Variants in ACIN1 observed in about 807,000 individuals in gnomAD.
ACIN1 encodes apoptotic chromatin condensation inducer 1, also known as apoptotic chromatin condensation inducer in the nucleus.
Under a neutral mutation model 146.6 loss-of-function variants are expected in ACIN1, and 16 were observed. The observed-to-expected ratio is 0.11, with a 90% CI of 0.07 to 0.17. The LOEUF (loss-of-function observed/expected upper bound fraction) is 0.17. Ranked by LOEUF, ACIN1 falls within the 10% of genes least tolerant of loss-of-function variation. The pLI, the probability that ACIN1 is intolerant of heterozygous loss-of-function variation, is 1.00. For synonymous variants in ACIN1, 569 were observed against 582.7 expected, an observed-to-expected ratio of 0.98 and a Z score of 0.34; for missense variants, 1,357 against 1,609.3, an observed-to-expected ratio of 0.84 and a Z score of 2.68.
chr14:23,071,335 A>T, intron 8 of ACIN1: 1 of 1,514,280 alleles, frequency 6.6e-7, no homozygotes, highest in Non-Finnish European at 8.8e-7. Flanking sequence ...GCAACCGGGG[A>T]TCCAAAAAAT....
rs769705099 is a variant in ACIN1, at chr14:23,059,321, G to A, written c.3679C>T (p.Arg1227Trp). 6.9e-6 allele frequency: 11 copies of A among 1,600,922 alleles called. No homozygotes were observed. The highest frequency in any genetic ancestry group is 1.3e-5 in the African/African-American group (1 of 74,492). ...LEREKRREHS[R>W]ERDRERERER... ...CTCTCTCTCTCCCTGTCCCTCTCCC[G>A]ACTGTGCTCCCGACGTTTCTCTCGC... The change falls in exon 19 of 19, where the codon CGG becomes TGG. Residue 1227 changes from arginine to tryptophan, a missense_variant. By Grantham distance (101) the Arg-to-Trp change is moderately radical. Around this residue, in one of 4 missense-constraint regions of ACIN1, gnomAD observed 509 missense variants for 719.6 expected, o/e 0.71. Transcript: ENST00000605057.
In ACIN1 at chr14:23,068,788, A is replaced by G. The variant is rs2047535581; in HGVS notation, c.2265+688T>C. On this transcript the variant is annotated intron_variant, in intron 9 of 18. Transcript: ENST00000605057. The surrounding 1 kb of genome is among the most constrained non-coding windows in gnomAD (Gnocchi z 4.3). ...ACACCAGAAAAAGGCTACACACACAACAGTCCCTCCCACCTTGTTACCCCT... is the reference window on the plus strand; with the variant it reads ...ACACCAGAAAAAGGCTACACACACAGCAGTCCCTCCCACCTTGTTACCCCT... 1 of 985,390 alleles carries G rather than the reference A, an allele frequency of 1.0e-6. No individual in the cohort carries two copies. Among genetic ancestry groups the G allele is most frequent in the Non-Finnish European group, 1.2e-6 (1 of 829,940 alleles). The allele number at this position is 985,390 out of a possible 1,614,324, so 61.0% of individuals were successfully genotyped here. A position where few individuals can be genotyped will look rare whatever the true frequency, so the allele number is the denominator to read the frequency against.
Position 23,078,921 on chromosome 14 carries a change from T to G in ACIN1, c.1906A>C (p.Lys636Gln). 1 of 1,614,144 alleles carries G rather than the reference T, an allele frequency of 6.2e-7. No individual in the cohort carries two copies. Among genetic ancestry groups the G allele is most frequent in the Non-Finnish European group, 8.5e-7 (1 of 1,180,018 alleles). ...PVPQLQVCEPKERTSTSSSSV... is the reference protein window; with the variant it reads ...PVPQLQVCEPQERTSTSSSSV... ...GATGAGGAGGTGGAAGTCCTCTCCT[T>G]TGGCTCACAGACCTGCAGTTGTGGC... The change falls in exon 7 of 19, where the codon AAG becomes CAG. Residue 636 changes from lysine to glutamine, a missense_variant. Lys to Gln is a moderately conservative substitution (Grantham distance 53). Around this residue, in one of 4 missense-constraint regions of ACIN1, gnomAD observed 771 missense variants for 746.6 expected, o/e 1.03. Coordinates refer to ENST00000605057, the MANE Select transcript of ACIN1 (RefSeq NM_001386863.1).
intron 1 of ACIN1, 182 bp downstream of exon 1, chr14:23,094,793 A>G: frequency 1.1e-6 from 1 of 950,200 alleles, no homozygotes. Flanking sequence ...TTAAGGCGGG[A>G]ACCGGCGCGA....
At chr14:23,087,364 A>C (rs996441884) in intron 4 of ACIN1, among the ~76,000 whole-genome samples, 1 of 152,182 alleles carries the variant, frequency 6.6e-6, no homozygotes, top group African/African-American at 2.4e-5. Flanking sequence ...GGCATAAAGG[A>C]CACTGAAGAG....
chr14:23,089,983 G>A lies in ACIN1; in HGVS notation c.435C>T (p.Pro145=), dbSNP rs775279602. 6.2e-7 allele frequency: 1 copy of A among 1,610,968 alleles called. No homozygotes were observed. The highest frequency in any genetic ancestry group is 8.5e-7 in the Non-Finnish European group (1 of 1,178,684). Residue 145 remains proline (P), a splice_region_variant and synonymous_variant, in exon 4 of 19, where the codon CCC becomes CCT. Coordinates refer to ENST00000605057, the MANE Select transcript of ACIN1 (RefSeq NM_001386863.1). ...CGCAGTGGGGAGGGAGATACGTACT[G>A]GGCGAATGTCTGCTGAGCTCCAGCT... is the stretch of plus-strand genomic sequence containing the variant. ...RPELELSRHS[P]RKSSSISEEK...
intron 8 of ACIN1, 173 bp downstream of exon 8, chr14:23,077,978 T>G: frequency 1.8e-6 from 1 of 551,116 alleles, no homozygotes; most frequent in Non-Finnish European, 3.1e-6. Flanking sequence ...CAGGTTACCT[T>G]AAAGGTGGCA....
At chr14:23,075,673 A>G (rs774273267) in intron 8 of ACIN1, among the ~76,000 whole-genome samples, 4 of 151,688 alleles carry the variant, frequency 2.6e-5, no homozygotes, top group Non-Finnish European at 5.9e-5. Flanking sequence ...TGAGACAGAC[A>G]GAAAAACCAA....
rs2047917716 is a variant in ACIN1 at position 23,080,557 on chromosome 14, C to G, written c.778G>C (p.Glu260Gln). The change falls in exon 6 of 19, where the codon GAG becomes CAG. Residue 260 changes from glutamate (E) to glutamine (Q), a missense_variant. Physicochemically the swap from Glu to Gln is conservative, Grantham distance 29 (BLOSUM62 2). This residue lies in a region of ACIN1 where 771 missense variants were observed against 746.6 expected (regional missense o/e 1.03). Coordinates refer to ENST00000605057, the MANE Select transcript of ACIN1 (RefSeq NM_001386863.1). ...GTTTTGGGTCTCTCATCCATCATCT[C>G]CTCTGGTTTTACTCTAGGTATCTCT... is the stretch of plus-strand genomic sequence containing the variant. ...GEEIPRVKPE[E>Q]MMDERPKTRS... The G allele has an allele frequency of 1.2e-6, 2 of 1,613,948 alleles. No homozygotes were observed. Among genetic ancestry groups the G allele is most frequent in the South Asian group, 1.1e-5 (1 of 91,088 alleles).
At chr14:23,066,193 A>C in intron 9 of ACIN1, 185 bp from the exon 10 acceptor site, 1 of 550,640 alleles carries the variant, frequency 1.8e-6, no homozygotes, top group East Asian at 3.0e-5. Flanking sequence ...GGCAAAAACG[A>C]AGCAGAATCA....
intron 9 of ACIN1, chr14:23,066,629 G>A (rs138418560): frequency 1.3e-5 from 2 of 152,436 alleles, no homozygotes; most frequent in Middle Eastern, 3.4e-3. Context: ...CACTGGAGAT[G>A]AGGCTCTTGA....
intron 14 of ACIN1, 50 bp from the exon 15 acceptor site, chr14:23,062,573 C>A (rs531708778): frequency 5.9e-6 from 9 of 1,516,924 alleles, no homozygotes; most frequent in Middle Eastern, 1.7e-4. Context: ...AAGACCACCA[C>A]CCAATCTTTA....
chr14:23,076,637 A>T (rs1408407091), intron 8 of ACIN1: 1 of 152,198 alleles, frequency 6.6e-6, no homozygotes, highest in African/African-American at 2.4e-5. Context: ...TTTTCAGAAA[A>T]TCACTTTCTT....
At chr14:23,089,039 T>G (rs1472003114) in intron 4 of ACIN1, among the ~76,000 whole-genome samples, 1 of 152,154 alleles carries the variant, frequency 6.6e-6, no homozygotes, top group Admixed American at 6.5e-5. Flanking sequence ...GGGTGCCTAT[T>G]ATGATTTTAT....
Position 23,067,868 on chromosome 14 carries a change from G to A in ACIN1, c.2265+1608C>T. 1.0e-6 allele frequency: 1 copy of A among 985,844 alleles called. No homozygotes were observed. Among genetic ancestry groups the A allele is most frequent in the Non-Finnish European group, 1.2e-6 (1 of 829,954 alleles). The allele number at this position is 985,844 out of a possible 1,614,324, so 61.1% of individuals were successfully genotyped here. On this transcript the variant is annotated intron_variant, in intron 9 of 18. Coordinates refer to ENST00000605057, the MANE Select transcript of ACIN1 (RefSeq NM_001386863.1). This position sits in a 1 kb window ranked among gnomAD's most constrained non-coding sequence, Gnocchi z 4.6. ...GGAGCCTCTGATGAAGGTAGCCTGG[G>A]GGTAGGTGAATACCCCAGGACCTGG...
rs1566735549 is a variant in ACIN1 at position 23,065,209 on chromosome 14, A to G, written c.2309-721T>C. On this transcript the variant is annotated intron_variant, in intron 10 of 18. Coordinates refer to ENST00000605057, the MANE Select transcript of ACIN1 (RefSeq NM_001386863.1). Reference sequence around the variant, plus strand: ...AACATCTATTATACTTTTGTAATCTAGAGTTCCTCATTGGGGAAAATGTTA... The same window carrying G: ...AACATCTATTATACTTTTGTAATCTGGAGTTCCTCATTGGGGAAAATGTTA... Among the ~76,000 whole-genome samples, 3 of 152,358 alleles carry G rather than the reference A, an allele frequency of 2.0e-5. No homozygotes were observed. The South Asian group carries it at 6.2e-4, about 32-fold the overall frequency.
In ACIN1 at chr14:23,067,062, T is replaced by G. The variant is rs1235239080; in HGVS notation, c.2266-1054A>C. Among the ~76,000 whole-genome samples the G allele has an allele frequency of 6.6e-6, 1 of 151,520 alleles. No homozygotes were observed. Among genetic ancestry groups the G allele is most frequent in the Non-Finnish European group, 1.5e-5 (1 of 67,910 alleles). ...CCCGTTTGTGTCGTCTAACCAAGTC[T>G]CCTTGGTCTCTGTTAAGGGCCAGCC... On this transcript the variant is annotated intron_variant, in intron 9 of 18. Coordinates refer to ENST00000605057, the MANE Select transcript of ACIN1 (RefSeq NM_001386863.1). This position sits in a 1 kb window ranked among gnomAD's most constrained non-coding sequence, Gnocchi z 4.6.
chr14:23,061,740 A>G (rs112350903), intron 16 of ACIN1, 118 bp from the exon 17 acceptor site: 84,641 of 883,960 alleles, frequency 0.096, 5,375 homozygotes, highest in African/African-American at 0.25. Flanking sequence ...TTGGGAGGCC[A>G]AGGCGGTCAG....
intron 4 of ACIN1, among the ~76,000 whole-genome samples, chr14:23,082,482 G>C (rs2047971999): frequency 8.3e-6 from 1 of 120,038 alleles, no homozygotes; most frequent in South Asian, 2.7e-4. Flanking sequence ...GTCTCACTCT[G>C]TCACCCAGGC....
Sources: allele counts gnomAD v4.1 joint callset (sites outside exome capture counted in the v4.1 genomes callset), GRCh38; gene constraint gnomAD v4.1.1; regional missense constraint gnomAD v4.1.1; non-coding constraint Gnocchi (gnomAD v3.1); transcripts MANE v1.5; gene names NCBI Gene and HGNC (gene_info 2026-07-23, HGNC 2026-07-21).